Variants in MYH14 observed in about 807,000 individuals in gnomAD.
MYH14 encodes myosin-14.
In MYH14, 123 loss-of-function variants were observed where a neutral mutation model predicts 255.5. The ratio of observed to expected loss-of-function variants is 0.48; its 90% CI spans 0.42 to 0.56. The LOEUF is 0.56. Ranked by LOEUF, MYH14 falls within the 20% of genes least tolerant of loss-of-function variation. MYH14 has a pLI of 0.00. For synonymous variants in MYH14, 1,095 were observed against 1,161.2 expected, an observed-to-expected ratio of 0.94 and a Z score of 1.16; for missense variants, 2,423 against 2,802.3, an observed-to-expected ratio of 0.86 and a Z score of 3.06.
chr19:50,248,351 G>C (rs2034215970), intron 12 of MYH14, among the ~76,000 whole-genome samples: 1 of 152,116 alleles, frequency 6.6e-6, no homozygotes, highest in Non-Finnish European at 1.5e-5. Flanking sequence ...GAGGCGGGGA[G>C]ACCTAAGGAG....
intron 22 of MYH14, among the ~76,000 whole-genome samples, chr19:50,264,087 TAA>T (rs34326325): frequency 0.023 from 2,478 of 108,570 alleles, 53 homozygotes; most frequent in African/African-American, 0.072. Flanking sequence ...GAGCAAAGGT[TAA>T]AAAAAAAAAA....
chr19:50,236,618 G>A (rs2033668693), intron 10 of MYH14, among the ~76,000 whole-genome samples: 1 of 151,770 alleles, frequency 6.6e-6, no homozygotes, highest in Admixed American at 6.6e-5. Context: ...TGAGGCAGGA[G>A]AATCGCTTGA....
intron 20 of MYH14, among the ~76,000 whole-genome samples, chr19:50,261,125 TCCC>T (rs1294535593): frequency 2.2e-5 from 1 of 44,950 alleles, no homozygotes; most frequent in East Asian, 8.9e-4. Flanking sequence ...CATCACCCCC[TCCC>T]CCATCACCCC....
chr19:50,237,464 T>C (rs1417466718), intron 10 of MYH14, among the ~76,000 whole-genome samples: 2 of 152,166 alleles, frequency 1.3e-5, no homozygotes, highest in African/African-American at 4.8e-5. Flanking sequence ...TAGCTGGGAT[T>C]ACAGGCATGT....
intron 10 of MYH14, among the ~76,000 whole-genome samples, chr19:50,234,404 T>G (rs2033561600): frequency 6.6e-6 from 1 of 152,128 alleles, no homozygotes; most frequent in Non-Finnish European, 1.5e-5. Flanking sequence ...CGCCTCTGGG[T>G]CTGATTGTCT....
At chr19:50,295,316 C>G (rs932951073) in intron 39 of MYH14, among the ~76,000 whole-genome samples, 1 of 151,486 alleles carries the variant, frequency 6.6e-6, no homozygotes, top group East Asian at 1.9e-4. Context: ...CAGAGCAAGA[C>G]TCCATCTCAA....
chr19:50,244,430 C>A (rs1315817145), intron 11 of MYH14, 93 bp downstream of exon 11: 3 of 930,850 alleles, frequency 3.2e-6, no homozygotes, highest in Non-Finnish European at 5.2e-6. Flanking sequence ...GAGAGCATCC[C>A]CCTTCCAGCC....
intron 33 of MYH14, chr19:50,285,205 A>C (rs1352414397): frequency 6.6e-6 from 1 of 151,998 alleles, no homozygotes; most frequent in Non-Finnish European, 1.5e-5. Context: ...TTTTCTTCTT[A>C]TTTGAAGTTA....
intron 11 of MYH14, 106 bp from the exon 12 acceptor site, chr19:50,246,898 C>G: frequency 1.4e-6 from 1 of 734,074 alleles, no homozygotes; most frequent in Non-Finnish European, 2.3e-6. Context: ...AAGGCGGGGC[C>G]CGTCTTCTGC....
At chr19:50,272,791 G>A (rs2035360255) in intron 27 of MYH14, 60 bp downstream of exon 27, 2 of 1,510,958 alleles carry the variant, frequency 1.3e-6, no homozygotes, top group Non-Finnish European at 1.8e-6. Flanking sequence ...AGCCAGCGTG[G>A]GGTGCCCAAG....
At chr19:50,227,561 C>A (rs2033170163) in intron 8 of MYH14, among the ~76,000 whole-genome samples, 1 of 152,140 alleles carries the variant, frequency 6.6e-6, no homozygotes, top group Admixed American at 6.5e-5. Context: ...GTCTAGCGAA[C>A]CCCTCATCCT....
Position 50,210,410 on chromosome 19 carries a change from C to T in MYH14, c.45C>T (p.Pro15=), listed in dbSNP as rs879016697. The part of the protein sequence containing the change: ...TMSVPGRKAP[P]RPGPVPEAAQ... ...CGGTGCCCGGGCGGAAGGCGCCCCC[C>T]AGGCCGGGCCCAGTGCCCGAGGCGG... is the stretch of plus-strand genomic sequence containing the variant. The change falls in exon 2 of 43, where the codon CCC becomes CCT. Residue 15 remains proline (P), a synonymous_variant. Coordinates refer to ENST00000642316, the MANE Select transcript of MYH14 (RefSeq NM_001145809.2). 1 of 1,571,274 alleles carries T rather than the reference C, an allele frequency of 6.4e-7. No individual in the cohort carries two copies. Among genetic ancestry groups the T allele is most frequent in the African/African-American group, 1.4e-5 (1 of 72,218 alleles).
intron 33 of MYH14, among the ~76,000 whole-genome samples, chr19:50,283,337 C>G (rs1255391578): frequency 6.6e-6 from 1 of 152,222 alleles, no homozygotes; most frequent in African/African-American, 2.4e-5. Flanking sequence ...CAAGGCTGGT[C>G]TCGAACTCCT....
chr19:50,276,731 A>T lies in MYH14; in HGVS notation c.3681-26A>T, dbSNP rs788337. On this transcript the variant is annotated intron_variant, in intron 28 of 42. Transcript: ENST00000642316. The surrounding 1 kb of genome is among the most constrained non-coding windows in gnomAD (Gnocchi z 4.3). ...TGCCTTCCTCTGCTCTGAAATTCCC[A>T]TCCTCTCTCCTTTCCCCCAATAAAG... 0.47 allele frequency: 755,585 copies of T among 1,611,744 alleles called. 181,479 individuals carry two copies. Among genetic ancestry groups the T allele is most frequent in the African/African-American group, 0.64 (48,063 of 74,844 alleles).
At chr19:50,286,342 C>G (rs952958079) in intron 33 of MYH14, 140 bp from the exon 34 acceptor site, 3 of 836,902 alleles carry the variant, frequency 3.6e-6, no homozygotes, top group African/African-American at 3.4e-5. Context: ...TTTAATCCCT[C>G]TACCTCCCTC....
intron 19 of MYH14, among the ~76,000 whole-genome samples, chr19:50,259,748 C>T (rs2034752593): frequency 6.6e-6 from 1 of 152,118 alleles, no homozygotes; most frequent in Non-Finnish European, 1.5e-5. Context: ...TGTGGTAGCA[C>T]ATGCCTGTAA....
intron 11 of MYH14, among the ~76,000 whole-genome samples, chr19:50,246,602 A>T (rs1306749072): frequency 1.3e-5 from 2 of 150,432 alleles, no homozygotes; most frequent in Non-Finnish European, 2.9e-5. Flanking sequence ...AGTCTGGGTG[A>T]TAAGAGCCAA....
intron 39 of MYH14, among the ~76,000 whole-genome samples, chr19:50,298,611 C>T (rs369947790): frequency 2.0e-5 from 3 of 151,640 alleles, no homozygotes; most frequent in South Asian, 4.2e-4. Context: ...ATTAGCCAGG[C>T]GTGGTGGCGG....
intron 9 of MYH14, among the ~76,000 whole-genome samples, 162 bp from the exon 10 acceptor site, chr19:50,231,768 G>A (rs201027641): frequency 2.0e-5 from 3 of 149,732 alleles, no homozygotes; most frequent in Non-Finnish European, 4.4e-5. Context: ...GGTGCTAAAC[G>A]CCCACTCCAC....
Sources: allele counts gnomAD v4.1 joint callset (sites outside exome capture counted in the v4.1 genomes callset), GRCh38; gene constraint gnomAD v4.1.1; non-coding constraint Gnocchi (gnomAD v3.1); transcripts MANE v1.5; gene names NCBI Gene and HGNC (gene_info 2026-07-23, HGNC 2026-07-21).